VRK2: variants seen among roughly 807,000 people sequenced by gnomAD.
VRK2 encodes VRK serine/threonine kinase 2.
A neutral mutation model predicts 57.6 loss-of-function variants in VRK2; 60 were observed. That is an observed-to-expected ratio of 1.04 (90% CI 0.85 to 1.29). The LOEUF is 1.29. VRK2 is among the 50% of genes most tolerant of loss of function. VRK2 has a pLI of 0.00. For synonymous variants in VRK2, 231 were observed against 199.2 expected, an observed-to-expected ratio of 1.16 and a Z score of -1.35; for missense variants, 705 against 588.1, an observed-to-expected ratio of 1.20 and a Z score of -2.06.
In VRK2 at chr2:58,135,508, G is replaced by T. The variant is rs367686522; in HGVS notation, c.856+309G>T. ...ACAGGCTTAATAGTCAACCGTATCT[G>T]GTATTTCTAGAGTTAAGACTTCCTG... On this transcript the variant is annotated intron_variant, in intron 10 of 12. Coordinates refer to ENST00000340157, the MANE Select transcript of VRK2 (RefSeq NM_006296.7). Among the ~76,000 whole-genome samples, 48 of 149,810 alleles carry T rather than the reference G, an allele frequency of 3.2e-4. No individual in the cohort carries two copies. In the South Asian group the frequency reaches 9.5e-3, roughly 30 times the overall value.
chr2:58,137,043 TAATA>T (rs1680281576), intron 10 of VRK2, among the ~76,000 whole-genome samples: 1 of 129,760 alleles, frequency 7.7e-6, no homozygotes, highest in Admixed American at 8.4e-5. Context: ...ATATCATATA[TAATA>T]TATATGTGTA....
At chr2:57,967,227 G>C (rs1215093476) in intron 1 of VRK2, among the ~76,000 whole-genome samples, 1 of 152,146 alleles carries the variant, frequency 6.6e-6, no homozygotes, top group African/African-American at 2.4e-5. Context: ...CCTGTCGGCG[G>C]GTGCGGGGCT....
chr2:58,046,235 C>G (rs537677558), upstream of VRK2, among the ~76,000 whole-genome samples: 2 of 152,280 alleles, frequency 1.3e-5, no homozygotes, highest in East Asian at 3.9e-4. Context: ...AATCTAACAA[C>G]AAGGGTTATT....
At chr2:58,117,657 C>T (rs13018289) in intron 7 of VRK2, among the ~76,000 whole-genome samples, 26,942 of 151,812 alleles carry the variant, frequency 0.18, 3,096 homozygotes, top group Non-Finnish European at 0.25. Context: ...GCCCCTTTTA[C>T]GACAAGAATT....
intron 1 of VRK2, among the ~76,000 whole-genome samples, chr2:57,955,885 T>C (rs186748496): frequency 1.7e-4 from 26 of 152,332 alleles, no homozygotes; most frequent in African/African-American, 6.3e-4. Context: ...GATATCCTTT[T>C]GGTGAGTTTT....
At chr2:57,953,254 T>C (rs148076104) in intron 1 of VRK2, among the ~76,000 whole-genome samples, 2 of 152,342 alleles carry the variant, frequency 1.3e-5, no homozygotes, top group Non-Finnish European at 2.9e-5. Flanking sequence ...TTTGTTCGAA[T>C]TGATGCTGAT....
chr2:58,148,511 T>A (rs966851978), intron 12 of VRK2, among the ~76,000 whole-genome samples: 3 of 151,878 alleles, frequency 2.0e-5, no homozygotes, highest in African/African-American at 7.2e-5. Context: ...TTTGTTTTTT[T>A]ATTTGAAGTT....
intron 2 of VRK2, among the ~76,000 whole-genome samples, chr2:58,075,815 CAGG>C (rs747317274): frequency 1.5e-5 from 2 of 133,796 alleles, no homozygotes; most frequent in Non-Finnish European, 3.4e-5. Context: ...CTGCTGGAAA[CAGG>C]AGATTTTTCT....
intron 5 of VRK2, among the ~76,000 whole-genome samples, chr2:58,087,336 C>CCTT (rs1671771813): frequency 6.6e-6 from 1 of 152,110 alleles, no homozygotes; most frequent in South Asian, 2.1e-4. Flanking sequence ...CACTGGGGGA[C>CCTT]TGAATGGCTG....
At chr2:57,969,449 T>C (rs1392035208) in intron 1 of VRK2, among the ~76,000 whole-genome samples, 2 of 151,982 alleles carry the variant, frequency 1.3e-5, no homozygotes, top group Non-Finnish European at 2.9e-5. Context: ...TTTACACTTT[T>C]AATTTAAAAA....
intron 1 of VRK2, among the ~76,000 whole-genome samples, chr2:57,949,031 TG>T (rs1237655175): frequency 7.6e-6 from 1 of 132,218 alleles, no homozygotes; most frequent in East Asian, 2.2e-4. Context: ...AGTAAAATTA[TG>T]AAAGTAAAAT....
At chr2:58,090,380 A>G (rs558420673) in intron 7 of VRK2, among the ~76,000 whole-genome samples, 33 of 150,894 alleles carry the variant, frequency 2.2e-4, no homozygotes, top group African/African-American at 7.8e-4. Context: ...AGCCTGGGCA[A>G]CAAGAGAGAA....
intron 1 of VRK2, among the ~76,000 whole-genome samples, chr2:57,936,293 A>G (rs1376269896): frequency 6.6e-6 from 1 of 152,204 alleles, no homozygotes; most frequent in African/African-American, 2.4e-5. Flanking sequence ...AATTTTGTCA[A>G]CATAATTTCT....
chr2:58,039,982 T>C (rs1204847866), intron 3 of VRK2, among the ~76,000 whole-genome samples: 1 of 151,938 alleles, frequency 6.6e-6, no homozygotes, highest in African/African-American at 2.4e-5. Context: ...GTTGTGATCA[T>C]AGCTCACTGC....
At chr2:58,129,730 A>G (rs1264463492) in intron 8 of VRK2, among the ~76,000 whole-genome samples, 4 of 152,188 alleles carry the variant, frequency 2.6e-5, no homozygotes, top group African/African-American at 7.2e-5. Context: ...TAAACATTCA[A>G]ACTTTTCAAT....
intron 1 of VRK2, among the ~76,000 whole-genome samples, chr2:58,019,706 G>A (rs1673691833): frequency 6.6e-6 from 1 of 152,186 alleles, no homozygotes; most frequent in African/African-American, 2.4e-5. Context: ...AATTTCTGTA[G>A]ATGACCAGAG....
At chr2:58,015,965 A>G (rs1673568787) in intron 1 of VRK2, among the ~76,000 whole-genome samples, 1 of 152,016 alleles carries the variant, frequency 6.6e-6, no homozygotes, top group African/African-American at 2.4e-5. Flanking sequence ...TTTGTAATCA[A>G]GTGAAGACAT....
At position 57,999,476 on chromosome 2, in the gene VRK2, T is replaced by C. The variant is rs558479594; in HGVS notation, c.-438-26189T>C. ...GCAATATTGAATTAATCAAATCAAA[T>C]AGCTTTGTGTTTGTAGACTTAAGTC... On this transcript the variant is annotated intron_variant, in intron 1 of 15. Transcript: ENST00000417641. 1.2e-3 allele frequency among the ~76,000 whole-genome samples: 183 copies of C among 152,300 alleles called. 2 individuals carry two copies. The South Asian group carries it at 0.013, about 11-fold the overall frequency.
intron 1 of VRK2, among the ~76,000 whole-genome samples, chr2:57,936,011 G>T (rs2717025): frequency 0.32 from 48,138 of 152,120 alleles, 8,358 homozygotes; most frequent in East Asian, 0.42. Context: ...CTGCATCTGT[G>T]GGGGAGAAGG....
Sources: allele counts gnomAD v4.1 joint callset (sites outside exome capture counted in the v4.1 genomes callset), GRCh38; gene constraint gnomAD v4.1.1; transcripts MANE v1.5; gene names NCBI Gene and HGNC (gene_info 2026-07-23, HGNC 2026-07-21).